Variants in NKAIN2 observed in about 807,000 individuals in gnomAD.
NKAIN2 encodes the protein sodium/potassium transporting ATPase interacting 2, also known as sodium/potassium-transporting ATPase subunit beta-1-interacting protein 2.
Under a neutral mutation model 32.6 loss-of-function variants are expected in NKAIN2, and 14 were observed. The ratio of observed to expected loss-of-function variants is 0.43; its 90% CI spans 0.28 to 0.67. The LOEUF (loss-of-function observed/expected upper bound fraction) is 0.67, where lower values mean the gene tolerates loss of function less well. Ranked by LOEUF, NKAIN2 falls within the 30% of genes least tolerant of loss-of-function variation. The pLI is 0.17. For missense variants in NKAIN2, 198 were observed against 258.3 expected (o/e 0.77, Z 1.60); for synonymous variants, 80 against 87.2 (o/e 0.92, Z 0.46).
chr6:124,072,323 G>A (rs1156410145), intron 1 of NKAIN2, among the ~76,000 whole-genome samples: 1 of 152,012 alleles, frequency 6.6e-6, no homozygotes, highest in Non-Finnish European at 1.5e-5. Context: ...GAGAGAGTAG[G>A]AAATGGGGAA....
At chr6:123,849,973 T>TTTTG (rs1775259359) in intron 1 of NKAIN2, among the ~76,000 whole-genome samples, 1 of 145,462 alleles carries the variant, frequency 6.9e-6, no homozygotes, top group Non-Finnish European at 1.5e-5. Flanking sequence ...TTTGTTTGTT[T>TTTTG]TTTTTTTAAC....
intron 3 of NKAIN2, among the ~76,000 whole-genome samples, chr6:124,436,343 G>A (rs554799826): frequency 1.3e-5 from 2 of 152,120 alleles, no homozygotes; most frequent in African/African-American, 4.8e-5. Flanking sequence ...CACCAGAAAT[G>A]AGGACTTTTC....
intron 1 of NKAIN2, among the ~76,000 whole-genome samples, chr6:124,137,528 G>A (rs2114306389): frequency 6.6e-6 from 1 of 151,970 alleles, no homozygotes; most frequent in East Asian, 1.9e-4. Context: ...AATTCATATG[G>A]CACCAAAACA....
At chr6:124,632,644 T>G (rs558757114) in intron 3 of NKAIN2, among the ~76,000 whole-genome samples, 1 of 152,348 alleles carries the variant, frequency 6.6e-6, no homozygotes, top group South Asian at 2.1e-4. Context: ...CTCTTGGCTT[T>G]GTATGTTATA....
intron 1 of NKAIN2, among the ~76,000 whole-genome samples, chr6:124,229,501 C>CAGATAGACAGAT (rs1792317109): frequency 2.1e-5 from 3 of 142,974 alleles, no homozygotes; most frequent in South Asian, 2.4e-4. Flanking sequence ...GATAGATAGA[C>CAGATAGACAGAT]AGATAGATAG....
At chr6:123,915,076 T>C (rs1490359) in intron 1 of NKAIN2, among the ~76,000 whole-genome samples, 55,572 of 151,990 alleles carry the variant, frequency 0.37, 10,624 homozygotes, top group East Asian at 0.64. Context: ...ATTCACAGCT[T>C]CTCGAAGAGG....
chr6:124,559,327 G>A (rs1780598082), intron 3 of NKAIN2, among the ~76,000 whole-genome samples: 1 of 152,162 alleles, frequency 6.6e-6, no homozygotes, highest in Admixed American at 6.5e-5. Context: ...TTTTGAGAGT[G>A]TGTAGCAGGG....
chr6:124,044,569 C>A (rs2114817701), intron 1 of NKAIN2, among the ~76,000 whole-genome samples: 1 of 152,168 alleles, frequency 6.6e-6, no homozygotes, highest in South Asian at 2.1e-4. Context: ...AGCCATTCAT[C>A]TCATGGTTGT....
intron 1 of NKAIN2, among the ~76,000 whole-genome samples, chr6:124,016,835 G>A (rs1039499903): frequency 2.6e-5 from 4 of 151,628 alleles, no homozygotes; most frequent in Non-Finnish European, 5.9e-5. Flanking sequence ...TAGTTTGCCC[G>A]CCTAAGGTAT....
chr6:124,469,666 A>G (rs994481909), intron 3 of NKAIN2, among the ~76,000 whole-genome samples: 8 of 152,188 alleles, frequency 5.3e-5, no homozygotes, highest in African/African-American at 1.7e-4. Context: ...CACTCCATCT[A>G]AACTCCCTAT....
chr6:124,418,772 C>T (rs1774614714), intron 3 of NKAIN2, among the ~76,000 whole-genome samples: 2 of 151,520 alleles, frequency 1.3e-5, no homozygotes, highest in South Asian at 4.2e-4. Context: ...TTTTCCAGTA[C>T]TGATTGTTGA....
chr6:124,426,236 A>G (rs1276556075), intron 3 of NKAIN2, among the ~76,000 whole-genome samples: 1 of 152,202 alleles, frequency 6.6e-6, no homozygotes, highest in Non-Finnish European at 1.5e-5. Flanking sequence ...GAGCTACTGT[A>G]CTTTTCCAGT....
chr6:124,576,161 C>T (rs896343857), intron 3 of NKAIN2, among the ~76,000 whole-genome samples: 9 of 152,108 alleles, frequency 5.9e-5, no homozygotes, highest in African/African-American at 2.2e-4. Flanking sequence ...TTTCGAGTGA[C>T]AAATTGGGAA....
intron 3 of NKAIN2, among the ~76,000 whole-genome samples, chr6:124,461,483 T>C (rs903625357): frequency 4.0e-5 from 6 of 151,736 alleles, no homozygotes; most frequent in African/African-American, 1.4e-4. Context: ...TTTTATCTCC[T>C]TCTTAATTAC....
intron 4 of NKAIN2, among the ~76,000 whole-genome samples, chr6:124,749,575 A>G (rs1042909439): frequency 6.6e-6 from 1 of 151,934 alleles, no homozygotes; most frequent in African/African-American, 2.4e-5. Context: ...AAGAGATTTT[A>G]TGGTGGAGTC....
At chr6:124,089,102 C>T (rs1191628985) in intron 1 of NKAIN2, among the ~76,000 whole-genome samples, 1 of 151,958 alleles carries the variant, frequency 6.6e-6, no homozygotes, top group Non-Finnish European at 1.5e-5. Context: ...AAGATAAAGT[C>T]AATCACCATT....
intron 3 of NKAIN2, among the ~76,000 whole-genome samples, chr6:124,404,756 A>G (rs866745013): frequency 2.0e-5 from 3 of 151,542 alleles, no homozygotes; most frequent in African/African-American, 7.2e-5. Flanking sequence ...TTACATTTAC[A>G]TAGATTTAAG....
At chr6:124,511,952 G>A (rs986977306) in intron 3 of NKAIN2, among the ~76,000 whole-genome samples, 1 of 152,104 alleles carries the variant, frequency 6.6e-6, no homozygotes, top group Non-Finnish European at 1.5e-5. Context: ...TTCTTTCGAT[G>A]TATTTATAAA....
At chr6:124,180,371 C>T (rs1582802144) in intron 1 of NKAIN2, among the ~76,000 whole-genome samples, 1 of 151,980 alleles carries the variant, frequency 6.6e-6, no homozygotes, top group South Asian at 2.1e-4. Flanking sequence ...GGGGAACTCC[C>T]CTTCATAAAA....
Sources: allele counts gnomAD v4.1 joint callset (sites outside exome capture counted in the v4.1 genomes callset), GRCh38; gene constraint gnomAD v4.1.1; transcripts MANE v1.5; gene names NCBI Gene and HGNC (gene_info 2026-07-23, HGNC 2026-07-21).